The following GRIK4 variants were observed in gnomAD, a reference collection of about 807,000 sequenced individuals.
The protein encoded by GRIK4 is glutamate receptor ionotropic, kainate 4.
Under a neutral mutation model 104.9 loss-of-function variants are expected in GRIK4, and 40 were observed. That is an observed-to-expected ratio of 0.38 (90% CI 0.30 to 0.50). The LOEUF is 0.50. GRIK4 is among the 20% of genes least tolerant of loss of function. The pLI is 0.93. For synonymous variants in GRIK4, 485 were observed against 524.9 expected (o/e 0.92, Z 1.04); for missense variants, 1,047 against 1,308.1 (o/e 0.80, Z 3.08).
At chr11:120,606,839 C>T (rs1323968185) in intron 1 of GRIK4, among the ~76,000 whole-genome samples, 1 of 152,144 alleles carries the variant, frequency 6.6e-6, no homozygotes, top group Non-Finnish European at 1.5e-5. Flanking sequence ...AGGATAAGGG[C>T]GTTCCAGTCA....
At chr11:120,624,338 GAGT>G (rs1244036276) in intron 1 of GRIK4, among the ~76,000 whole-genome samples, 1 of 152,032 alleles carries the variant, frequency 6.6e-6, no homozygotes, top group Non-Finnish European at 1.5e-5. Context: ...AGAAATATCT[GAGT>G]AGTGTTGGGA....
chr11:120,943,789 G>A (rs775232804), intron 14 of GRIK4, among the ~76,000 whole-genome samples: 3 of 152,158 alleles, frequency 2.0e-5, no homozygotes, highest in South Asian at 2.1e-4. Context: ...ACCTGTGTGC[G>A]AATGTAAAAA....
chr11:120,697,703 C>T (rs1345358529), intron 3 of GRIK4, among the ~76,000 whole-genome samples: 1 of 152,150 alleles, frequency 6.6e-6, no homozygotes, highest in Non-Finnish European at 1.5e-5. Context: ...CAATGGGCTG[C>T]AGAGCTCTGG....
chr11:120,937,495 C>T (rs1943623094), intron 13 of GRIK4, among the ~76,000 whole-genome samples: 1 of 152,224 alleles, frequency 6.6e-6, no homozygotes, highest in East Asian at 1.9e-4. Context: ...ACGACCGCCA[C>T]AAACCTTTCA....
intron 11 of GRIK4, among the ~76,000 whole-genome samples, chr11:120,890,574 T>C (rs913171217): frequency 6.6e-6 from 1 of 152,254 alleles, no homozygotes; most frequent in African/African-American, 2.4e-5. Flanking sequence ...CCAATCTCAG[T>C]TTAATCTCCT....
At chr11:120,682,186 T>C (rs553702551) in intron 3 of GRIK4, among the ~76,000 whole-genome samples, 127 of 152,270 alleles carry the variant, frequency 8.3e-4, no homozygotes, top group Non-Finnish European at 1.5e-3. Context: ...CGAATTGAAA[T>C]GCAAATCCTG....
At chr11:120,792,312 G>A (rs997047670) in intron 3 of GRIK4, among the ~76,000 whole-genome samples, 3 of 151,702 alleles carry the variant, frequency 2.0e-5, no homozygotes, top group African/African-American at 7.3e-5. Context: ...GGTAGAGAGG[G>A]ATGAGCAGGG....
At chr11:120,575,441 T>C (rs1478726263) in intron 1 of GRIK4, among the ~76,000 whole-genome samples, 2 of 152,096 alleles carry the variant, frequency 1.3e-5, no homozygotes, top group African/African-American at 2.4e-5. Flanking sequence ...CCTCTCACCA[T>C]CTATCTTCCA....
At chr11:120,649,221 C>G (rs1376399571) in intron 1 of GRIK4, among the ~76,000 whole-genome samples, 1 of 152,134 alleles carries the variant, frequency 6.6e-6, no homozygotes, top group East Asian at 1.9e-4. Flanking sequence ...CCTGGGAGGG[C>G]TGAGGGGGGC....
intron 1 of GRIK4, among the ~76,000 whole-genome samples, chr11:120,544,374 A>C (rs1440179917): frequency 1.3e-5 from 2 of 152,098 alleles, no homozygotes; most frequent in Non-Finnish European, 2.9e-5. Context: ...TCTGTCACCC[A>C]GGCTAGAGTG....
chr11:120,720,378 A>G (rs755974895), intron 3 of GRIK4, among the ~76,000 whole-genome samples: 3 of 152,196 alleles, frequency 2.0e-5, no homozygotes, highest in Non-Finnish European at 4.4e-5. Context: ...TGAGCAAAGT[A>G]ATATAGATTT....
intron 11 of GRIK4, among the ~76,000 whole-genome samples, chr11:120,889,498 A>C (rs1220954875): frequency 6.7e-6 from 1 of 149,926 alleles, no homozygotes; most frequent in African/African-American, 2.4e-5. Context: ...CCTGAGAGTA[A>C]AAAAAAAAGA....
chr11:120,853,135 G>C (rs1000512550), intron 8 of GRIK4, among the ~76,000 whole-genome samples: 2 of 152,128 alleles, frequency 1.3e-5, no homozygotes, highest in African/African-American at 4.8e-5. Context: ...GTGATGACAG[G>C]TATGTAGATG....
intron 1 of GRIK4, among the ~76,000 whole-genome samples, chr11:120,518,845 G>A (rs117781321): frequency 5.9e-5 from 9 of 152,044 alleles, no homozygotes; most frequent in Non-Finnish European, 1.0e-4. Flanking sequence ...TCTCAAACTC[G>A]TGACCTCAGG....
intron 7 of GRIK4, among the ~76,000 whole-genome samples, chr11:120,834,595 G>C (rs1249128266): frequency 1.5e-5 from 2 of 133,880 alleles, no homozygotes; most frequent in African/African-American, 5.0e-5. Flanking sequence ...GCCTCTCAGG[G>C]CCTCAGCAAG....
At chr11:120,758,677 T>C (rs935590890) in intron 3 of GRIK4, among the ~76,000 whole-genome samples, 5 of 152,194 alleles carry the variant, frequency 3.3e-5, no homozygotes, top group Non-Finnish European at 5.9e-5. Context: ...CTATTAATAA[T>C]ATATAGTCTA....
At chr11:120,929,022 C>T (rs12099315) in intron 13 of GRIK4, among the ~76,000 whole-genome samples, 1 of 148,920 alleles carries the variant, frequency 6.7e-6, no homozygotes, top group Non-Finnish European at 1.5e-5. Context: ...TGTGTGCGCA[C>T]ATGTGTGTGT....
chr11:120,819,825 T>C lies in GRIK4; in HGVS notation c.416T>C (p.Leu139Pro), dbSNP rs1953062568. 1.2e-6 allele frequency: 2 copies of C among 1,614,024 alleles called. No homozygotes were observed. Among genetic ancestry groups the C allele is most frequent in the African/African-American group, 1.3e-5 (1 of 75,036 alleles). ...FQFQRFTTLN[L>P]HPSNTDISVA... ...TTCCAGAGATTCACAACCCTGAACCTCCACCCCAGCAACACTGACATCAGC... is the reference window on the plus strand; with the variant it reads ...TTCCAGAGATTCACAACCCTGAACCCCCACCCCAGCAACACTGACATCAGC... The change falls in exon 6 of 21, where the codon CTC becomes CCC. Residue 139 changes from leucine to proline, a missense_variant. Transcript: ENST00000527524. The surrounding 1 kb of genome is among the most constrained non-coding windows in gnomAD (Gnocchi z 4.3).
intron 14 of GRIK4, among the ~76,000 whole-genome samples, chr11:120,951,551 C>A (rs1475776043): frequency 1.3e-5 from 2 of 152,340 alleles, no homozygotes; most frequent in East Asian, 1.9e-4. Context: ...GTTCATAGAA[C>A]CCTGAGCTTA....
Sources: gnomAD v4.1 joint callset for allele counts (sites outside exome capture counted in the v4.1 genomes callset) on GRCh38, gnomAD v4.1.1 for gene constraint, Gnocchi (gnomAD v3.1) non-coding constraint, MANE v1.5 for transcripts, NCBI Gene and HGNC (gene_info 2026-07-23, HGNC 2026-07-21) for gene names.